Variants in TMEM117 observed in about 807,000 individuals in gnomAD.
TMEM117 encodes transmembrane protein 117.
In TMEM117, 27 loss-of-function variants were observed where a neutral mutation model predicts 52.4. The ratio of observed to expected loss-of-function variants is 0.51; its 90% confidence interval spans 0.38 to 0.71. TMEM117 has a LOEUF of 0.71. Among genes scored for constraint, TMEM117 ranks in the 30% least tolerant of loss-of-function variants. TMEM117 has a pLI of 0.00. For synonymous variants in TMEM117, 215 were observed against 206.3 expected, an observed-to-expected ratio of 1.04 and a Z score of -0.36; for missense variants, 556 against 630.5, an observed-to-expected ratio of 0.88 and a Z score of 1.26.
intron 5 of TMEM117, among the ~76,000 whole-genome samples, chr12:44,276,480 A>G (rs894846326): frequency 2.0e-5 from 3 of 152,118 alleles, no homozygotes; most frequent in African/African-American, 4.8e-5. Context: ...GGGTATCAGC[A>G]GCTGGGGGTG....
intron 6 of TMEM117, among the ~76,000 whole-genome samples, chr12:44,366,046 T>G (rs1231378268): frequency 1.3e-5 from 2 of 152,104 alleles, no homozygotes; most frequent in African/African-American, 4.8e-5. Flanking sequence ...TATTTTATAT[T>G]CTTTGAGAAT....
chr12:44,132,543 T>C (rs1043775573), intron 3 of TMEM117, among the ~76,000 whole-genome samples: 1 of 152,156 alleles, frequency 6.6e-6, no homozygotes, highest in African/African-American at 2.4e-5. Context: ...TGAGCATTAT[T>C]GGGATCCAGA....
intron 3 of TMEM117, among the ~76,000 whole-genome samples, chr12:44,033,110 A>G (rs1946658822): frequency 1.3e-5 from 2 of 152,186 alleles, no homozygotes; most frequent in Admixed American, 6.5e-5. Flanking sequence ...AAAACCCACC[A>G]AAACCAAGAT....
At chr12:44,197,351 T>C (rs1949434426) in intron 4 of TMEM117, among the ~76,000 whole-genome samples, 1 of 152,090 alleles carries the variant, frequency 6.6e-6, no homozygotes, top group Non-Finnish European at 1.5e-5. Context: ...ACATAATTAC[T>C]TTCTCTAGTA....
chr12:44,184,008 G>A (rs143144520), intron 4 of TMEM117, among the ~76,000 whole-genome samples: 55 of 152,220 alleles, frequency 3.6e-4, no homozygotes, highest in African/African-American at 1.2e-3. Flanking sequence ...GCTGGGAAGG[G>A]ACTTTGCAGA....
At chr12:43,988,438 A>G (rs935250978) in intron 3 of TMEM117, among the ~76,000 whole-genome samples, 2 of 152,170 alleles carry the variant, frequency 1.3e-5, no homozygotes, top group Non-Finnish European at 2.9e-5. Flanking sequence ...CAGTGTTACA[A>G]TTAAATTACA....
intron 3 of TMEM117, among the ~76,000 whole-genome samples, chr12:44,038,465 A>C (rs541638378): frequency 6.6e-6 from 1 of 152,294 alleles, no homozygotes; most frequent in East Asian, 1.9e-4. Context: ...GCCAGTGTGC[A>C]TGGCTGTGCG....
At chr12:44,308,051 T>G (rs1004532396) in intron 6 of TMEM117, among the ~76,000 whole-genome samples, 2 of 152,230 alleles carry the variant, frequency 1.3e-5, no homozygotes, top group African/African-American at 4.8e-5. Context: ...CAGGTTTTTA[T>G]GTATAACATG....
intron 7 of TMEM117, among the ~76,000 whole-genome samples, chr12:44,382,202 A>G (rs1334745717): frequency 6.6e-6 from 1 of 152,066 alleles, no homozygotes; most frequent in African/African-American, 2.4e-5. Context: ...TGCCCTGCCC[A>G]CCCTGAGGTA....
chr12:44,207,136 T>TTATG (rs1208461657), intron 4 of TMEM117, among the ~76,000 whole-genome samples: 8 of 152,184 alleles, frequency 5.3e-5, no homozygotes, highest in African/African-American at 1.9e-4. Context: ...TTAATATCCT[T>TTATG]TATGTATATG....
At chr12:43,890,279 C>A (rs1012156785) in intron 2 of TMEM117, among the ~76,000 whole-genome samples, 4 of 151,998 alleles carry the variant, frequency 2.6e-5, no homozygotes, top group Non-Finnish European at 5.9e-5. Flanking sequence ...GTTAACAATT[C>A]TTTTTGCAAC....
intron 2 of TMEM117, among the ~76,000 whole-genome samples, chr12:43,860,183 C>A (rs1943465825): frequency 6.6e-6 from 1 of 152,118 alleles, no homozygotes; most frequent in South Asian, 2.1e-4. Flanking sequence ...AGTCCCCCCA[C>A]CCCGTGACAG....
At chr12:44,024,885 T>G (rs770774902) in intron 3 of TMEM117, among the ~76,000 whole-genome samples, 35 of 152,186 alleles carry the variant, frequency 2.3e-4, no homozygotes, top group East Asian at 3.9e-4. Flanking sequence ...CACACATATA[T>G]GTACATACAT....
chr12:43,833,540 T>A (rs1022447898), upstream of TMEM117, among the ~76,000 whole-genome samples: 1 of 152,004 alleles, frequency 6.6e-6, no homozygotes, highest in Non-Finnish European at 1.5e-5. Flanking sequence ...CACCCTGAAA[T>A]CCCAGCACTT....
intron 6 of TMEM117, among the ~76,000 whole-genome samples, chr12:44,340,804 T>C (rs931196615): frequency 1.3e-5 from 2 of 152,108 alleles, no homozygotes; most frequent in African/African-American, 4.8e-5. Flanking sequence ...GTACACATAT[T>C]TTTAATTTGC....
At chr12:43,932,949 G>C (rs1944894830) in intron 2 of TMEM117, among the ~76,000 whole-genome samples, 2 of 152,138 alleles carry the variant, frequency 1.3e-5, no homozygotes, top group Admixed American at 1.3e-4. Context: ...TAGCAATACT[G>C]TAAATGTGGA....
At chr12:44,383,542 T>C (rs1027355051) in intron 7 of TMEM117, among the ~76,000 whole-genome samples, 6 of 152,178 alleles carry the variant, frequency 3.9e-5, no homozygotes, top group Admixed American at 2.0e-4. Flanking sequence ...TTAGAGGAGA[T>C]AGTGAAGTAT....
chr12:44,261,117 A>T (rs539024545), intron 5 of TMEM117, among the ~76,000 whole-genome samples: 1 of 150,544 alleles, frequency 6.6e-6, no homozygotes, highest in South Asian at 2.1e-4. Flanking sequence ...ATCTTAAAAC[A>T]TTTTTTTAAA....
intron 2 of TMEM117, among the ~76,000 whole-genome samples, chr12:43,858,086 C>T (rs1350201101): frequency 6.6e-6 from 1 of 152,188 alleles, no homozygotes; most frequent in Non-Finnish European, 1.5e-5. Flanking sequence ...GACACTATAT[C>T]TGATTTTGAG....
Sources: allele counts gnomAD v4.1 joint callset (sites outside exome capture counted in the v4.1 genomes callset), GRCh38; gene constraint gnomAD v4.1.1; transcripts MANE v1.5; gene names NCBI Gene and HGNC (gene_info 2026-07-23, HGNC 2026-07-21).